Variants in LDB2 observed in about 807,000 individuals in gnomAD.
LDB2 encodes the protein LIM domain-binding protein 2.
LDB2 carries 12 observed loss-of-function variants against 44.3 expected under a neutral mutation model. The ratio of observed to expected loss-of-function variants is 0.27; its 90% CI spans 0.17 to 0.44. LDB2 has a LOEUF of 0.44. Among genes scored for constraint, LDB2 ranks in the 20% least tolerant of loss-of-function variants. LDB2 has a pLI of 1.00. For missense variants in LDB2, 344 were observed against 473.5 expected, an observed-to-expected ratio of 0.73 and a Z score of 2.54; for synonymous variants, 164 against 174.8, an observed-to-expected ratio of 0.94 and a Z score of 0.49.
At chr4:16,643,666 T>C (rs1411881830) in intron 2 of LDB2, among the ~76,000 whole-genome samples, 4 of 152,178 alleles carry the variant, frequency 2.6e-5, no homozygotes, top group Non-Finnish European at 5.9e-5. Context: ...CACTTCAAAA[T>C]ATTTTGTCTA....
At chr4:16,537,407 A>C in intron 5 of LDB2, among the ~76,000 whole-genome samples, 1 of 152,380 alleles carries the variant, frequency 6.6e-6, no homozygotes, top group East Asian at 1.9e-4. Context: ...AGGAAAAAAC[A>C]AAGTATGTGT....
In LDB2 at chr4:16,783,182, G is replaced by C. The variant is rs528728192; in HGVS notation, c.133-23922C>G. 3.9e-5 allele frequency among the ~76,000 whole-genome samples: 6 copies of C among 152,364 alleles called. No homozygotes were observed. The South Asian group carries it at 6.2e-4, about 16-fold the overall frequency. ...CTTATGAACGAGAAGCAGGGGCCTA[G>C]GGGTATGGGATGATGTCAGCAGGAC... is the stretch of plus-strand genomic sequence containing the variant. On this transcript the variant is annotated intron_variant, in intron 1 of 7. Coordinates refer to ENST00000304523, the MANE Select transcript of LDB2 (RefSeq NM_001290.5).
At chr4:16,581,554 C>A (rs1017937027) in intron 5 of LDB2, 1 of 359,658 alleles carries the variant, frequency 2.8e-6, no homozygotes, top group Admixed American at 6.5e-5. Flanking sequence ...CTTCCTAGAG[C>A]TCCCCAAGTC....
chr4:16,875,797 A>G (rs921158068), intron 1 of LDB2, among the ~76,000 whole-genome samples: 2 of 152,174 alleles, frequency 1.3e-5, no homozygotes, highest in Non-Finnish European at 2.9e-5. Flanking sequence ...ACTGCTGGGG[A>G]TGATATTTGC....
At chr4:16,627,683 C>T (rs556860288) in intron 2 of LDB2, among the ~76,000 whole-genome samples, 26 of 152,250 alleles carry the variant, frequency 1.7e-4, no homozygotes, top group African/African-American at 6.0e-4. Flanking sequence ...CCCCAGAGAC[C>T]CCTGCCTCCT....
intron 1 of LDB2, among the ~76,000 whole-genome samples, chr4:16,847,197 A>T (rs1301884291): frequency 3.9e-5 from 6 of 152,220 alleles, no homozygotes; most frequent in African/African-American, 1.2e-4. Context: ...TATGCTCACT[A>T]GTAAGCCACA....
At chr4:16,611,010 G>C (rs1048455216) in intron 2 of LDB2, among the ~76,000 whole-genome samples, 12 of 152,166 alleles carry the variant, frequency 7.9e-5, no homozygotes, top group African/African-American at 2.9e-4. Flanking sequence ...GACTAACAGA[G>C]GACGTCTCAG....
chr4:16,515,872 A>AT (rs1723473069), intron 5 of LDB2, among the ~76,000 whole-genome samples: 1 of 151,290 alleles, frequency 6.6e-6, no homozygotes, highest in African/African-American at 2.4e-5. Flanking sequence ...TTATTTATTT[A>AT]TTTATTTTTT....
At chr4:16,601,178 T>G (rs1722486038) in intron 2 of LDB2, among the ~76,000 whole-genome samples, 1 of 152,154 alleles carries the variant, frequency 6.6e-6, no homozygotes, top group African/African-American at 2.4e-5. Context: ...GAAATCAACG[T>G]AGTGATTATT....
intron 2 of LDB2, among the ~76,000 whole-genome samples, chr4:16,652,042 T>C (rs1738432559): frequency 6.6e-6 from 1 of 152,044 alleles, no homozygotes; most frequent in South Asian, 2.1e-4. Context: ...CCTGGAACCC[T>C]TGGACTCAGA....
chr4:16,568,596 T>A (rs745699361), intron 5 of LDB2, among the ~76,000 whole-genome samples: 3 of 152,164 alleles, frequency 2.0e-5, no homozygotes, highest in Non-Finnish European at 4.4e-5. Context: ...TTAGATGCAA[T>A]GTACTCATCC....
chr4:16,759,136 G>A (rs968177829), intron 2 of LDB2, 22 bp downstream of exon 2: 6 of 1,551,268 alleles, frequency 3.9e-6, no homozygotes, highest in Non-Finnish European at 4.5e-6. Context: ...GGTAATATTA[G>A]AAAAATAAAC....
At chr4:16,523,305 A>T (rs1349340084) in intron 5 of LDB2, among the ~76,000 whole-genome samples, 1 of 152,182 alleles carries the variant, frequency 6.6e-6, no homozygotes, top group Non-Finnish European at 1.5e-5. Flanking sequence ...AACAGCAAAA[A>T]TAGCAAGAAT....
At chr4:16,702,204 G>A (rs1753599604) in intron 2 of LDB2, among the ~76,000 whole-genome samples, 1 of 152,086 alleles carries the variant, frequency 6.6e-6, no homozygotes, top group South Asian at 2.1e-4. Context: ...GAGATCAGAA[G>A]GAAAAAACAT....
At chr4:16,608,444 C>T (rs1173988365) in intron 2 of LDB2, among the ~76,000 whole-genome samples, 1 of 152,102 alleles carries the variant, frequency 6.6e-6, no homozygotes, top group East Asian at 1.9e-4. Flanking sequence ...ACGGAACAGC[C>T]CAATTATACC....
chr4:16,671,737 T>A (rs1385868281), intron 2 of LDB2, among the ~76,000 whole-genome samples: 1 of 151,994 alleles, frequency 6.6e-6, no homozygotes, highest in East Asian at 1.9e-4. Flanking sequence ...CTGCAATAGC[T>A]TGGGGGTCCT....
intron 1 of LDB2, among the ~76,000 whole-genome samples, chr4:16,788,292 C>T (rs17757703): frequency 0.13 from 19,761 of 152,248 alleles, 1,351 homozygotes; most frequent in South Asian, 0.19. Flanking sequence ...GTGCCGGATG[C>T]CAAGGGGTGG....
chr4:16,887,561 G>A (rs71603334), intron 1 of LDB2, among the ~76,000 whole-genome samples: 9,204 of 152,054 alleles, frequency 0.061, 308 homozygotes, highest in African/African-American at 0.067. Context: ...TTTCCAATTG[G>A]TCAGTTTTAT....
intron 1 of LDB2, among the ~76,000 whole-genome samples, chr4:16,820,325 T>C (rs771449791): frequency 2.0e-5 from 3 of 152,216 alleles, no homozygotes; most frequent in Non-Finnish European, 4.4e-5. Context: ...TACTTTCTGT[T>C]GGGCACTGCT....
Sources: gnomAD v4.1 joint callset for allele counts (sites outside exome capture counted in the v4.1 genomes callset) on GRCh38, gnomAD v4.1.1 for gene constraint, MANE v1.5 for transcripts, NCBI Gene and HGNC (gene_info 2026-07-23, HGNC 2026-07-21) for gene names.